FIP1L1: variants seen among roughly 807,000 people sequenced by gnomAD.
The protein encoded by FIP1L1 is factor interacting with PAPOLA and CPSF1, also known as pre-mRNA 3'-end-processing factor FIP1.
FIP1L1 carries 21 observed loss-of-function variants against 84.6 expected under a neutral mutation model. The observed-to-expected ratio is 0.25, with a 90% confidence interval of 0.18 to 0.36. The LOEUF is 0.36. FIP1L1 is among the 10% of genes least tolerant of loss of function. FIP1L1 has a pLI of 1.00. For missense variants in FIP1L1, 526 were observed against 751.1 expected (o/e 0.70, Z 3.50); for synonymous variants, 263 against 242.3 (o/e 1.09, Z -0.80).
chr4:53,427,820 T>G (rs907541942), intron 12 of FIP1L1, among the ~76,000 whole-genome samples: 5 of 152,214 alleles, frequency 3.3e-5, no homozygotes, highest in African/African-American at 1.2e-4. Context: ...ATATGCACAT[T>G]TTTAAAACTG....
At chr4:53,413,498 C>A (rs914141314) in intron 10 of FIP1L1, among the ~76,000 whole-genome samples, 12 of 152,042 alleles carry the variant, frequency 7.9e-5, no homozygotes, top group African/African-American at 2.9e-4. Context: ...ATTCCTATTT[C>A]TCTTTCCCTA....
At chr4:53,407,070 C>G (rs6831245) in intron 10 of FIP1L1, among the ~76,000 whole-genome samples, 19,737 of 152,030 alleles carry the variant, frequency 0.13, 2,553 homozygotes, top group African/African-American at 0.32. Context: ...TGTGTTTGCT[C>G]TTGCTTCTCT....
chr4:53,428,257 A>T, intron 13 of FIP1L1, 74 bp downstream of exon 13: 1 of 1,389,504 alleles, frequency 7.2e-7, no homozygotes, highest in South Asian at 1.6e-5. Flanking sequence ...TTTGACAATT[A>T]AAATAATATC....
chr4:53,406,976 A>T (rs950133949), intron 10 of FIP1L1, among the ~76,000 whole-genome samples: 2 of 152,020 alleles, frequency 1.3e-5, no homozygotes, highest in Non-Finnish European at 2.9e-5. Context: ...GGATTCATTG[A>T]TTTTTTGAAG....
chr4:53,377,918 A>C lies in FIP1L1; in HGVS notation c.80A>C (p.Tyr27Ser). The change falls in exon 1 of 18, where the codon TAT becomes TCT. Residue 27 changes from tyrosine to serine, a missense_variant. Tyr to Ser is a moderately radical substitution (Grantham distance 144). Transcript: ENST00000337488. ...TGGDEEEEWLYGGPWDVHVHS... is the reference protein window; with the variant it reads ...TGGDEEEEWLSGGPWDVHVHS... ...GGGGATGAGGAGGAAGAGTGGCTCT[A>C]TGGCGGTACGAAACTTCCTGTCTCT... 6.3e-7 allele frequency: 1 copy of C among 1,594,214 alleles called. No individual in the cohort carries two copies. The highest frequency in any genetic ancestry group is 8.5e-7 in the Non-Finnish European group (1 of 1,170,092).
Position 53,459,807 on chromosome 4 carries a change from C to CTCTT in FIP1L1, c.*359_*362dup. 6.6e-6 allele frequency: 2 copies of CTCTT among 305,086 alleles called. No individual in the cohort carries two copies. Among genetic ancestry groups the CTCTT allele is most frequent in the Non-Finnish European group, 6.2e-6 (1 of 162,574 alleles). The allele number at this position is 305,086 out of a possible 1,614,324, so 18.9% of individuals were successfully genotyped here. On this transcript the variant is annotated 3_prime_UTR_variant, in exon 18 of 18. Transcript: ENST00000337488. Reference sequence around the variant, plus strand: ...GTTTTTTTGTTAATCAAACACCACTCTCTTAAGAGGCTGCATCACAAAAGG... The same window carrying CTCTT: ...GTTTTTTTGTTAATCAAACACCACTCTCTTTCTTAAGAGGCTGCATCACAAAAGG...
chr4:53,459,253 A>G (rs1362334174), intron 17 of FIP1L1, 49 bp from the exon 18 acceptor site: 2 of 1,315,772 alleles, frequency 1.5e-6, no homozygotes, highest in African/African-American at 1.6e-5. Flanking sequence ...TTTGTCACTG[A>G]TTGTGTATTT....
intron 13 of FIP1L1, among the ~76,000 whole-genome samples, chr4:53,429,721 A>G (rs1765752165): frequency 6.6e-6 from 1 of 152,292 alleles, no homozygotes; most frequent in African/African-American, 2.4e-5. Flanking sequence ...TTTATGGGGT[A>G]CAATGTGATG....
chr4:53,454,076 T>C (rs1301142734), intron 16 of FIP1L1, among the ~76,000 whole-genome samples: 2 of 152,236 alleles, frequency 1.3e-5, no homozygotes, highest in Non-Finnish European at 2.9e-5. Context: ...GTTTTAATGT[T>C]TAAGGAAATT....
At chr4:53,402,680 C>A (rs1029648634) in intron 10 of FIP1L1, among the ~76,000 whole-genome samples, 1 of 152,002 alleles carries the variant, frequency 6.6e-6, no homozygotes, top group African/African-American at 2.4e-5. Context: ...CCAGCCTTGG[C>A]GACAGAGTGA....
At position 53,380,570 on chromosome 4, in the gene FIP1L1, C is replaced by A. The variant is rs560273961; in HGVS notation, c.170+1306C>A. On this transcript the variant is annotated intron_variant, in intron 3 of 17. Coordinates refer to ENST00000337488, the MANE Select transcript of FIP1L1 (RefSeq NM_030917.4). Reference sequence around the variant, plus strand: ...TGTGAATTGCATCTCAAAGCTGTTACAACAAAAAATGGATAGAGGGAAAAA... The same window carrying A: ...TGTGAATTGCATCTCAAAGCTGTTAAAACAAAAAATGGATAGAGGGAAAAA... Among the ~76,000 whole-genome samples, 5 of 152,038 alleles carry A rather than the reference C, an allele frequency of 3.3e-5. No homozygotes were observed. In the South Asian group the frequency reaches 8.3e-4, roughly 25 times the overall value.
Position 53,377,755 on chromosome 4 carries a change from TTCTCGCGCCTCGGGGCTGCGA to T in FIP1L1, c.-83_-63del. The T allele has an allele frequency of 7.6e-7, 1 of 1,316,152 alleles. No individual in the cohort carries two copies. Among genetic ancestry groups the T allele is most frequent in the Non-Finnish European group, 1.0e-6 (1 of 987,832 alleles). 81.5% of individuals were successfully genotyped at this position (1,316,152 alleles called of 1,614,324 possible). ...TTCGTTCGTCGGCGGGTTCGCGCCC[TTCTCGCGCCTCGGGGCTGCGA>T]GGCTGGGGAAGGGGTTGGAGGGGGC... is the stretch of plus-strand genomic sequence containing the variant. On this transcript the variant is annotated 5_prime_UTR_variant, in exon 1 of 18. Transcript: ENST00000337488.
At chr4:53,423,426 A>G (rs538933886) in intron 11 of FIP1L1, among the ~76,000 whole-genome samples, 4 of 152,334 alleles carry the variant, frequency 2.6e-5, no homozygotes, top group Admixed American at 2.0e-4. Flanking sequence ...GGGAAACTCT[A>G]TTAAATCTTC....
intron 13 of FIP1L1, among the ~76,000 whole-genome samples, chr4:53,430,433 C>T (rs1310509094): frequency 6.8e-6 from 1 of 147,676 alleles, no homozygotes; most frequent in Non-Finnish European, 1.5e-5. Context: ...ACTGCATCCT[C>T]CACCTCCCAG....
chr4:53,379,940 G>T (rs1736905391), intron 3 of FIP1L1, among the ~76,000 whole-genome samples: 1 of 152,162 alleles, frequency 6.6e-6, no homozygotes, highest in Admixed American at 6.5e-5. Flanking sequence ...GAATATTTGG[G>T]TTTAAAAAGT....
chr4:53,383,173 G>A (rs1578113473), intron 4 of FIP1L1, among the ~76,000 whole-genome samples: 1 of 151,390 alleles, frequency 6.6e-6, no homozygotes. Flanking sequence ...AGTTGCTTTA[G>A]ATCTTTTTGC....
intron 11 of FIP1L1, among the ~76,000 whole-genome samples, chr4:53,421,099 C>A (rs978167606): frequency 1.3e-5 from 2 of 152,038 alleles, no homozygotes; most frequent in African/African-American, 4.8e-5. Flanking sequence ...AGGTTGAGAA[C>A]CACTGATTTA....
chr4:53,424,631 T>A (rs929763465), intron 11 of FIP1L1, among the ~76,000 whole-genome samples: 17 of 152,154 alleles, frequency 1.1e-4, no homozygotes, highest in African/African-American at 4.1e-4. Flanking sequence ...GATGTCATGA[T>A]GTGCTTTTTA....
intron 13 of FIP1L1, among the ~76,000 whole-genome samples, chr4:53,430,865 C>A (rs1179245837): frequency 6.6e-6 from 1 of 152,116 alleles, no homozygotes; most frequent in Non-Finnish European, 1.5e-5. Context: ...TTAATGAGTG[C>A]AGATTCAAAT....
Sources: gnomAD v4.1 joint callset for allele counts (sites outside exome capture counted in the v4.1 genomes callset) on GRCh38, gnomAD v4.1.1 for gene constraint, MANE v1.5 for transcripts, NCBI Gene and HGNC (gene_info 2026-07-23, HGNC 2026-07-21) for gene names.